The following REXO1 variants were observed in gnomAD, a reference collection of about 807,000 sequenced individuals.
The protein encoded by REXO1 is RNA exonuclease 1 homolog, also known as REX1, RNA exonuclease 1 homolog.
A neutral mutation model predicts 102.6 loss-of-function variants in REXO1; 42 were observed. The ratio of observed to expected loss-of-function variants is 0.41; its 90% CI spans 0.32 to 0.53. REXO1 has a LOEUF of 0.53. REXO1 is among the 20% of genes least tolerant of loss of function. The probability of loss-of-function intolerance (pLI) is 0.27; values close to 1 mark genes in which losing one functional copy is unlikely to be tolerated. For synonymous variants in REXO1, 908 were observed against 779.1 expected (o/e 1.17, Z -2.76); for missense variants, 1,819 against 1,732.5 (o/e 1.05, Z -0.89).
chr19:1,834,235 C>A (rs1436251958), intron 1 of REXO1, among the ~76,000 whole-genome samples: 3 of 152,162 alleles, frequency 2.0e-5, no homozygotes, highest in Non-Finnish European at 2.9e-5. Context: ...GAAATTCAGA[C>A]CTCTGGACAT....
chr19:1,817,410 C>T lies in REXO1; in HGVS notation c.3091-81G>A, dbSNP rs944085086. The T allele has an allele frequency of 2.5e-6, 4 of 1,571,702 alleles. No individual in the cohort carries two copies. The African/African-American group carries it at 4.0e-5, about 16-fold the overall frequency. ...GGCAGCAGCAGCACATCTCTGAGCC[C>T]TTCGGGACCATCCTATCCATCCATC... On this transcript the variant is annotated intron_variant, in intron 11 of 15. Transcript: ENST00000170168.
At position 1,826,962 on chromosome 19, in the gene REXO1, G is replaced by A. The variant is rs1442824362; in HGVS notation, c.1827C>T (p.Asp609=). The A allele has an allele frequency of 6.4e-7, 1 of 1,572,872 alleles. No homozygotes were observed. The highest frequency in any genetic ancestry group is 8.6e-7 in the Non-Finnish European group (1 of 1,160,054). The part of the protein sequence containing the change: ...YSALEKEVDF[D]SDPMEECLRI... Reference sequence around the variant, plus strand: ...GCAGGCACTCCTCCATGGGGTCGGAGTCAAAGTCCACCTCCTTCTCCAGGG... The same window carrying A: ...GCAGGCACTCCTCCATGGGGTCGGAATCAAAGTCCACCTCCTTCTCCAGGG... Residue 609 remains aspartate, a synonymous_variant, in exon 2 of 16, where the codon GAC becomes GAT. Coordinates refer to ENST00000170168, the MANE Select transcript of REXO1 (RefSeq NM_020695.4). The surrounding 1 kb of genome is among the most constrained non-coding windows in gnomAD (Gnocchi z 4.3).
chr19:1,848,019 G>T (rs576689155), intron 1 of REXO1, among the ~76,000 whole-genome samples, 183 bp downstream of exon 1: 5 of 152,246 alleles, frequency 3.3e-5, no homozygotes, highest in African/African-American at 1.2e-4. Context: ...AAGGCTTAGG[G>T]ACATCTAGTG....
intron 1 of REXO1, among the ~76,000 whole-genome samples, chr19:1,847,775 G>A (rs540760663): frequency 9.8e-5 from 15 of 152,362 alleles, no homozygotes; most frequent in Non-Finnish European, 1.8e-4. Flanking sequence ...GCGGCCGGAG[G>A]AAACGTCATG....
In REXO1 at chr19:1,848,268, A is replaced by G; in HGVS notation, c.91T>C (p.Phe31Leu). 1 of 1,231,456 alleles carries G rather than the reference A, an allele frequency of 8.1e-7. No individual in the cohort carries two copies. Among genetic ancestry groups the G allele is most frequent in the South Asian group, 4.0e-5 (1 of 25,236 alleles). The allele number at this position is 1,231,456 out of a possible 1,614,324, so 76.3% of individuals were successfully genotyped here. Residue 31 changes from phenylalanine to leucine, a missense_variant, in exon 1 of 16, where the codon TTC (phenylalanine) becomes CTC (leucine). Coordinates refer to ENST00000170168, the MANE Select transcript of REXO1 (RefSeq NM_020695.4). ...GAGCCCCGGGCCCCGCGGTGCCGGAAGTGGCAGTAGGGCCGCCGGCAGGGC... is the reference window on the plus strand; with the variant it reads ...GAGCCCCGGGCCCCGCGGTGCCGGAGGTGGCAGTAGGGCCGCCGGCAGGGC... ...GGPCRRPYCH[F>L]RHRGARGSGA...
chr19:1,821,971 G>T (rs976573641), intron 4 of REXO1: 7 of 541,164 alleles, frequency 1.3e-5, no homozygotes, highest in African/African-American at 2.0e-5. Context: ...AGCCCAAGGC[G>T]TCGATGTCTG....
intron 1 of REXO1, among the ~76,000 whole-genome samples, chr19:1,840,592 T>C (rs1169037879): frequency 6.6e-5 from 10 of 151,762 alleles, no homozygotes. Context: ...CTATTCATCC[T>C]CCAAAACCCA....
intron 1 of REXO1, among the ~76,000 whole-genome samples, chr19:1,834,326 A>G (rs2069981219): frequency 6.6e-6 from 1 of 152,158 alleles, no homozygotes; most frequent in South Asian, 2.1e-4. Context: ...GCCTCCCAGG[A>G]GTGGAGCCAG....
intron 7 of REXO1, among the ~76,000 whole-genome samples, chr19:1,819,577 A>G (rs1321660647): frequency 1.3e-5 from 2 of 152,220 alleles, no homozygotes; most frequent in African/African-American, 4.8e-5. Flanking sequence ...GGCTGCAATG[A>G]AACGCCCAGG....
intron 5 of REXO1, among the ~76,000 whole-genome samples, chr19:1,821,149 C>T (rs2069524330): frequency 6.6e-6 from 1 of 152,088 alleles, no homozygotes; most frequent in Non-Finnish European, 1.5e-5. Context: ...AGATCGAGAC[C>T]ATCCTGGCTA....
intron 5 of REXO1, among the ~76,000 whole-genome samples, chr19:1,821,171 C>T (rs2069525214): frequency 6.6e-6 from 1 of 151,848 alleles, no homozygotes; most frequent in East Asian, 1.9e-4. Context: ...CATGGTGAAA[C>T]CCCGTTTCTA....
rs1457960216 is a variant in REXO1 at position 1,815,801 on chromosome 19, G to C, written c.*265C>G. On this transcript the variant is annotated 3_prime_UTR_variant, in exon 16 of 16. Transcript: ENST00000170168. This position sits in a 1 kb window ranked among gnomAD's most constrained non-coding sequence, Gnocchi z 4.0. ...GGGGCTGCGGGCCGGGTGGGGGCGG[G>C]CTCTGTCCTGGTCTCCATCAGCAGC... The C allele has an allele frequency of 6.7e-7, 1 of 1,484,128 alleles. No individual in the cohort carries two copies. The highest frequency in any genetic ancestry group is 2.5e-5 in the East Asian group (1 of 39,524). 91.9% of individuals were successfully genotyped at this position (1,484,128 alleles called of 1,614,324 possible).
chr19:1,839,346 G>T (rs2011197550), intron 1 of REXO1, among the ~76,000 whole-genome samples: 1 of 152,114 alleles, frequency 6.6e-6, no homozygotes, highest in Non-Finnish European at 1.5e-5. Context: ...GGTGTTTCTG[G>T]GACTCCTGTG....
intron 1 of REXO1, among the ~76,000 whole-genome samples, chr19:1,842,763 G>C (rs953110589): frequency 6.6e-6 from 1 of 152,220 alleles, no homozygotes; most frequent in Non-Finnish European, 1.5e-5. Context: ...GCCTGGTGCC[G>C]GACTCGGCAA....
intron 1 of REXO1, among the ~76,000 whole-genome samples, chr19:1,831,901 G>A (rs2069915942): frequency 6.7e-6 from 1 of 148,328 alleles, no homozygotes. Flanking sequence ...AGAAATGGCT[G>A]GTTTCCCAAG....
chr19:1,842,653 A>G (rs2011341503), intron 1 of REXO1, among the ~76,000 whole-genome samples: 1 of 152,162 alleles, frequency 6.6e-6, no homozygotes. Flanking sequence ...CCCCAAAAAA[A>G]CAGAATCCAA....
chr19:1,827,612 C>T lies in REXO1; in HGVS notation c.1177G>A (p.Ala393Thr). Residue 393 changes from alanine (A) to threonine (T), a missense_variant, in exon 2 of 16, where the codon GCC (alanine) becomes ACC (threonine). By Grantham distance (58) the Ala-to-Thr change is moderately conservative. Coordinates refer to ENST00000170168, the MANE Select transcript of REXO1 (RefSeq NM_020695.4). The part of the protein sequence containing the change: ...APPAPSCKDG[A>T]QGKDKTKDKG... ...TCCTTGGTCTTGTCCTTCCCCTGGGCCCCGTCTTTGCAGCTGGGGGCAGGT... is the reference window on the plus strand; with the variant it reads ...TCCTTGGTCTTGTCCTTCCCCTGGGTCCCGTCTTTGCAGCTGGGGGCAGGT... The T allele has an allele frequency of 6.3e-7, 1 of 1,581,038 alleles. No homozygotes were observed. The highest frequency in any genetic ancestry group is 8.5e-7 in the Non-Finnish European group (1 of 1,173,610).
At chr19:1,843,554 C>T (rs1276494999) in intron 1 of REXO1, among the ~76,000 whole-genome samples, 1 of 152,208 alleles carries the variant, frequency 6.6e-6, no homozygotes, top group African/African-American at 2.4e-5. Flanking sequence ...CCATAGCTGC[C>T]ACTCCAGGCC....
chr19:1,842,633 G>A lies in REXO1; in HGVS notation c.157+5569C>T, dbSNP rs1453715975. Reference sequence around the variant, plus strand: ...GTCAGGTGAGGACCTCAGAACCTTGGGAAAAGCCCCCCCAAAAAAACAGAA... The same window carrying A: ...GTCAGGTGAGGACCTCAGAACCTTGAGAAAAGCCCCCCCAAAAAAACAGAA... On this transcript the variant is annotated intron_variant, in intron 1 of 15. Coordinates refer to ENST00000170168, the MANE Select transcript of REXO1 (RefSeq NM_020695.4). Among the ~76,000 whole-genome samples, 8 of 152,240 alleles carry A rather than the reference G, an allele frequency of 5.3e-5. No individual in the cohort carries two copies. The East Asian group carries it at 1.5e-3, about 29-fold the overall frequency.
Sources: gnomAD v4.1 joint callset for allele counts (sites outside exome capture counted in the v4.1 genomes callset) on GRCh38, gnomAD v4.1.1 for gene constraint, Gnocchi (gnomAD v3.1) non-coding constraint, MANE v1.5 for transcripts, NCBI Gene and HGNC (gene_info 2026-07-23, HGNC 2026-07-21) for gene names.